The following CHRNG variants were observed in gnomAD, a reference collection of about 807,000 sequenced individuals.
CHRNG encodes the protein acetylcholine receptor subunit gamma.
Under a neutral mutation model 65.2 loss-of-function variants are expected in CHRNG, and 72 were observed. The observed-to-expected ratio is 1.10, with a 90% CI of 0.91 to 1.34. CHRNG has a LOEUF of 1.34. Ranked by LOEUF, CHRNG falls within the 40% of genes most tolerant of loss-of-function variation. The pLI, the probability that CHRNG is intolerant of heterozygous loss-of-function variation, is 0.00. For missense variants in CHRNG, 637 were observed against 680.1 expected (o/e 0.94, Z 0.70); for synonymous variants, 284 against 290.2 (o/e 0.98, Z 0.22).
chr2:232,542,752 C>G (rs895171760), intron 6 of CHRNG, 130 bp from the exon 7 acceptor site: 25 of 808,020 alleles, frequency 3.1e-5, no homozygotes, highest in Non-Finnish European at 4.5e-5. Context: ...CCACTTCTGT[C>G]CCTCAAGGGT....
chr2:232,540,802 G>A lies in CHRNG; in HGVS notation c.350+91G>A. 1 of 1,212,062 alleles carries A rather than the reference G, an allele frequency of 8.3e-7. No individual in the cohort carries two copies. The highest frequency in any genetic ancestry group is 1.2e-6 in the Non-Finnish European group (1 of 848,738). 75.1% of individuals were successfully genotyped at this position (1,212,062 alleles called of 1,614,324 possible). A position where few individuals can be genotyped will look rare whatever the true frequency, so the allele number is the denominator to read the frequency against. On this transcript the variant is annotated intron_variant, in intron 4 of 11. Coordinates refer to ENST00000651502, the MANE Select transcript of CHRNG (RefSeq NM_005199.5). The surrounding 1 kb of genome is among the most constrained non-coding windows in gnomAD (Gnocchi z 4.2). ...AGGCACTCTGGGAAAAGAGAAAGATGAGCAGAGGGTGCAAATCGGGCACCT... is the reference window on the plus strand; with the variant it reads ...AGGCACTCTGGGAAAAGAGAAAGATAAGCAGAGGGTGCAAATCGGGCACCT...
Position 232,541,638 on chromosome 2 carries a change from G to C in CHRNG, c.506+109G>C, listed in dbSNP as rs950975122. ...CTGGCCTTGGCTCTGGCAGCACCTA[G>C]AGGCCTGGCTCCATCTCCCCTGGGC... On this transcript the variant is annotated intron_variant, in intron 5 of 11. Coordinates refer to ENST00000651502, the MANE Select transcript of CHRNG (RefSeq NM_005199.5). The surrounding 1 kb of genome is among the most constrained non-coding windows in gnomAD (Gnocchi z 4.0). 12 of 1,364,010 alleles carry C rather than the reference G, an allele frequency of 8.8e-6. No individual in the cohort carries two copies. The African/African-American group carries it at 1.7e-4, about 19-fold the overall frequency. The allele number at this position is 1,364,010 out of a possible 1,614,324, so 84.5% of individuals were successfully genotyped here.
In CHRNG at chr2:232,546,692, C is replaced by T. The variant is rs111399595; in HGVS notation, c.*976C>T. 7.2e-5 allele frequency among the ~76,000 whole-genome samples: 11 copies of T among 152,160 alleles called. No individual in the cohort carries two copies. The highest frequency in any genetic ancestry group is 1.4e-4 in the African/African-American group (6 of 41,484). On this transcript the variant is annotated 3_prime_UTR_variant, in exon 12 of 12. Transcript: ENST00000651502. ...TATGGATAAGCAAGAGTCATTATTC[C>T]CCATGTTATATAGGCAAATTGAGCC...
chr2:232,539,747 C>T lies in CHRNG; in HGVS notation c.-1C>T. On this transcript the variant is annotated 5_prime_UTR_variant, in exon 1 of 12. Transcript: ENST00000651502. ...CTGTCACTGCAGAGAGCTGAGGCACCATGCATGGGGGCCAGGGGCCGCTGC... is the reference window on the plus strand; with the variant it reads ...CTGTCACTGCAGAGAGCTGAGGCACTATGCATGGGGGCCAGGGGCCGCTGC... The T allele has an allele frequency of 1.2e-6, 2 of 1,613,896 alleles. No individual in the cohort carries two copies. Among genetic ancestry groups the T allele is most frequent in the Non-Finnish European group, 1.7e-6 (2 of 1,179,974 alleles).
At position 232,541,902 on chromosome 2, in the gene CHRNG, G is replaced by A; in HGVS notation, c.506+373G>A. The A allele has an allele frequency of 2.8e-6, 1 of 359,122 alleles. No homozygotes were observed. Among genetic ancestry groups the A allele is most frequent in the Non-Finnish European group, 5.3e-6 (1 of 190,088 alleles). The allele number at this position is 359,122 out of a possible 1,614,324, so 22.2% of individuals were successfully genotyped here. On this transcript the variant is annotated intron_variant, in intron 5 of 11. Coordinates refer to ENST00000651502, the MANE Select transcript of CHRNG (RefSeq NM_005199.5). This position sits in a 1 kb window ranked among gnomAD's most constrained non-coding sequence, Gnocchi z 4.0. ...GAGGCAGGGCTGTCCTGTGAGAGAG[G>A]GGCCCTGGCAGGGAATCCAGCGGAA...
In CHRNG at chr2:232,542,914, G is replaced by A. The variant is rs760442965; in HGVS notation, c.637G>A (p.Ala213Thr). The change falls in exon 7 of 12, where the codon GCC becomes ACC. Residue 213 changes from alanine to threonine, a missense_variant. Coordinates refer to ENST00000651502, the MANE Select transcript of CHRNG (RefSeq NM_005199.5). ...NGEWAIQHRP[A>T]KMLLDPAAPA... is the part of the protein sequence containing the mutation. ...GGAGTGGGCCATCCAGCACCGACCA[G>A]CCAAGATGCTCCTGGACCCAGCGGC... is the stretch of plus-strand genomic sequence containing the variant. 5.6e-6 allele frequency: 9 copies of A among 1,613,998 alleles called. No individual in the cohort carries two copies. In the South Asian group the frequency reaches 8.8e-5, roughly 16 times the overall value.
chr2:232,543,152 G>A, intron 7 of CHRNG, 70 bp downstream of exon 7: 1 of 1,557,908 alleles, frequency 6.4e-7, no homozygotes, highest in East Asian at 2.2e-5. Context: ...GGTGGGCCCT[G>A]CCTGGGGAAC....
chr2:232,541,375 G>A lies in CHRNG; in HGVS notation c.352G>A (p.Val118Met), dbSNP rs970305420. 13 of 1,614,068 alleles carry A rather than the reference G, an allele frequency of 8.1e-6. No individual in the cohort carries two copies. The highest frequency in any genetic ancestry group is 1.7e-4 in the Middle Eastern group (1 of 6,060). ...WRPDIVLENN[V>M]DGVFEVALYC... is the part of the protein sequence containing the mutation. ...GCCTGGCCTGTTCTGTGCATACAGC[G>A]TGGACGGTGTCTTCGAGGTGGCCCT... Residue 118 changes from valine (V) to methionine (M), a missense_variant and splice_region_variant, in exon 5 of 12, where the codon GTG (valine) becomes ATG (methionine). Transcript: ENST00000651502. The surrounding 1 kb of genome is among the most constrained non-coding windows in gnomAD (Gnocchi z 4.0).
rs186758675 is a variant in CHRNG, at chr2:232,539,739, T to A, written c.-9T>A. ...TCCCACCCCTGTCACTGCAGAGAGCTGAGGCACCATGCATGGGGGCCAGGG... is the reference window on the plus strand; with the variant it reads ...TCCCACCCCTGTCACTGCAGAGAGCAGAGGCACCATGCATGGGGGCCAGGG... On this transcript the variant is annotated 5_prime_UTR_variant, in exon 1 of 12. Coordinates refer to ENST00000651502, the MANE Select transcript of CHRNG (RefSeq NM_005199.5). 2 of 1,613,598 alleles carry A rather than the reference T, an allele frequency of 1.2e-6. No individual in the cohort carries two copies. Among genetic ancestry groups the A allele is most frequent in the East Asian group, 2.2e-5 (1 of 44,880 alleles).
intron 8 of CHRNG, 53 bp downstream of exon 8, chr2:232,543,442 C>T: frequency 7.3e-7 from 1 of 1,372,084 alleles, no homozygotes; most frequent in Non-Finnish European, 1.0e-6. Flanking sequence ...TTCTTGGGAG[C>T]ATGATGGCCT....
chr2:232,545,836 T>C lies in CHRNG; in HGVS notation c.*120T>C. On this transcript the variant is annotated 3_prime_UTR_variant, in exon 12 of 12. Coordinates refer to ENST00000651502, the MANE Select transcript of CHRNG (RefSeq NM_005199.5). ...CTTTGGGAAGTGCCCTTCAGGACTG[T>C]GTGAGCCAAACAGCCCTGAGAAAAG... The C allele has an allele frequency of 8.5e-7, 1 of 1,169,784 alleles. No individual in the cohort carries two copies. The highest frequency in any genetic ancestry group is 1.2e-5 in the South Asian group (1 of 80,154). 72.5% of individuals were successfully genotyped at this position (1,169,784 alleles called of 1,614,324 possible). A position where few individuals can be genotyped will look rare whatever the true frequency, so the allele number is the denominator to read the frequency against.
chr2:232,547,909 C>A lies in CHRNG; in HGVS notation c.*2193C>A. 2.4e-6 allele frequency: 1 copy of A among 424,398 alleles called. No homozygotes were observed. The highest frequency in any genetic ancestry group is 4.1e-6 in the Non-Finnish European group (1 of 242,738). The allele number at this position is 424,398 out of a possible 1,614,324, so 26.3% of individuals were successfully genotyped here. ...AGCAACCTAAGGAGGTAGGTCGAGG[C>A]ATACCTCAAAGACATTGCAGGTTCA... On this transcript the variant is annotated 3_prime_UTR_variant, in exon 12 of 12. Coordinates refer to ENST00000651502, the MANE Select transcript of CHRNG (RefSeq NM_005199.5).
In CHRNG at chr2:232,547,694, G is replaced by C. The variant is rs1158472584; in HGVS notation, c.*1978G>C. On this transcript the variant is annotated 3_prime_UTR_variant, in exon 12 of 12. Coordinates refer to ENST00000651502, the MANE Select transcript of CHRNG (RefSeq NM_005199.5). ...AGAGTGGGGGAGAACTTCAATCAGG[G>C]AGGGAATCTGATGACAGTGGGGCCA... 6.6e-6 allele frequency among the ~76,000 whole-genome samples: 1 copy of C among 152,172 alleles called. No homozygotes were observed. The highest frequency in any genetic ancestry group is 6.5e-5 in the Admixed American group (1 of 15,278).
In CHRNG at chr2:232,541,555, AAG is replaced by A. The variant is rs773685905; in HGVS notation, c.506+31_506+32del. ...GTGAGGCCATTTATTGGGGAGGATT[AAG>A]AGAGCTGCTCTCAGAGGGGCCTGGG... On this transcript the variant is annotated intron_variant, in intron 5 of 11. Coordinates refer to ENST00000651502, the MANE Select transcript of CHRNG (RefSeq NM_005199.5). This position sits in a 1 kb window ranked among gnomAD's most constrained non-coding sequence, Gnocchi z 4.0. 1 of 1,611,418 alleles carries A rather than the reference AAG, an allele frequency of 6.2e-7. No homozygotes were observed. The highest frequency in any genetic ancestry group is 1.1e-5 in the South Asian group (1 of 91,072).
At position 232,545,018 on chromosome 2, in the gene CHRNG, C is replaced by T. The variant is rs530473096; in HGVS notation, c.1380+116C>T. The T allele has an allele frequency of 7.9e-5, 105 of 1,323,858 alleles. 2 individuals are homozygous for T. In the Admixed American group the frequency reaches 9.8e-4, roughly 12 times the overall value. The allele number at this position is 1,323,858 out of a possible 1,614,324, so 82.0% of individuals were successfully genotyped here. On this transcript the variant is annotated intron_variant, in intron 11 of 11. Coordinates refer to ENST00000651502, the MANE Select transcript of CHRNG (RefSeq NM_005199.5). ...GCAGTGGGATGGAAAAACATGAGGCCGGGTGCAGTGGGTCACACCTGTAAT... is the reference window on the plus strand; with the variant it reads ...GCAGTGGGATGGAAAAACATGAGGCTGGGTGCAGTGGGTCACACCTGTAAT...
In CHRNG at chr2:232,547,073, CCT is replaced by C. The variant is rs898961672; in HGVS notation, c.*1358_*1359del. ...ACCCTTGGGCAAGTCACCTATGCTC[CCT>C]GAGGCTGTTCCCTCATCTGTAAATA... On this transcript the variant is annotated 3_prime_UTR_variant, in exon 12 of 12. Transcript: ENST00000651502. 3.3e-4 allele frequency among the ~76,000 whole-genome samples: 51 copies of C among 152,266 alleles called. No individual in the cohort carries two copies. Among genetic ancestry groups the C allele is most frequent in the African/African-American group, 1.2e-3 (50 of 41,548 alleles).
chr2:232,545,046 C>T (rs1692098692), intron 11 of CHRNG, 144 bp downstream of exon 11: 7 of 1,075,964 alleles, frequency 6.5e-6, no homozygotes, highest in Middle Eastern at 3.0e-4. Flanking sequence ...CCTGTAATCC[C>T]AGTACTTTGG....
At position 232,541,095 on chromosome 2, in the gene CHRNG, CTAT is replaced by C. The variant is rs202064405; in HGVS notation, c.351-257_351-255del. Among the ~76,000 whole-genome samples the C allele has an allele frequency of 0.028, 4,264 of 149,852 alleles. 99 individuals carry two copies. Among genetic ancestry groups the C allele is most frequent in the East Asian group, 0.1 (503 of 5,036 alleles). On this transcript the variant is annotated intron_variant, in intron 4 of 11. Transcript: ENST00000651502. This position sits in a 1 kb window ranked among gnomAD's most constrained non-coding sequence, Gnocchi z 4.0. ...CTTAACACATTAGTCGCTATTATGA[CTAT>C]TATTATTATTATTATTATTATGATT...
chr2:232,543,643 C>T lies in CHRNG; in HGVS notation c.979C>T (p.Leu327Phe). Residue 327 changes from leucine (L) to phenylalanine (F), a missense_variant, in exon 9 of 12, where the codon CTC becomes TTC. Leu to Phe is a conservative substitution (Grantham distance 22). Coordinates refer to ENST00000651502, the MANE Select transcript of CHRNG (RefSeq NM_005199.5). The part of the protein sequence containing the change: ...ILIVVNAVVV[L>F]NVSLRSPHTH... Reference sequence around the variant, plus strand: ...CATTGTCGTGAATGCTGTGGTTGTGCTCAATGTCTCCTTGCGGTCTCCACA... The same window carrying T: ...CATTGTCGTGAATGCTGTGGTTGTGTTCAATGTCTCCTTGCGGTCTCCACA... 6.2e-7 allele frequency: 1 copy of T among 1,613,976 alleles called. No homozygotes were observed. The highest frequency in any genetic ancestry group is 2.2e-5 in the East Asian group (1 of 44,870).
Sources: allele counts gnomAD v4.1 joint callset (sites outside exome capture counted in the v4.1 genomes callset), GRCh38; gene constraint gnomAD v4.1.1; non-coding constraint Gnocchi (gnomAD v3.1); transcripts MANE v1.5; gene names NCBI Gene and HGNC (gene_info 2026-07-23, HGNC 2026-07-21).